The following KPNA6 variants were observed in gnomAD, a reference collection of about 807,000 sequenced individuals.
The protein encoded by KPNA6 is karyopherin subunit alpha 6, also known as importin subunit alpha-7.
A neutral mutation model predicts 72.0 loss-of-function variants in KPNA6; 9 were observed. That is an observed-to-expected ratio of 0.13 (90% CI 0.08 to 0.22). The LOEUF is 0.22. KPNA6 is among the 10% of genes least tolerant of loss of function. KPNA6 has a pLI of 1.00. For synonymous variants in KPNA6, 219 were observed against 242.1 expected, an observed-to-expected ratio of 0.90 and a Z score of 0.89; for missense variants, 374 against 655.7, an observed-to-expected ratio of 0.57 and a Z score of 4.69.
At chr1:32,146,986 G>C (rs1319126834) in intron 1 of KPNA6, among the ~76,000 whole-genome samples, 1 of 151,872 alleles carries the variant, frequency 6.6e-6, no homozygotes, top group African/African-American at 2.4e-5. Flanking sequence ...CTCCCAAGTA[G>C]CTGGGACTGC....
At chr1:32,170,131 G>A in intron 13 of KPNA6, 71 bp downstream of exon 13, 6 of 1,403,146 alleles carry the variant, frequency 4.3e-6, no homozygotes, top group Non-Finnish European at 5.9e-6. Context: ...ACATATGTTG[G>A]TGGTGGCGGA....
At chr1:32,129,921 G>A (rs1482369103) in intron 1 of KPNA6, among the ~76,000 whole-genome samples, 1 of 151,974 alleles carries the variant, frequency 6.6e-6, no homozygotes, top group African/African-American at 2.4e-5. Flanking sequence ...TGGTTGGTAT[G>A]CTGTCAAATA....
At chr1:32,152,115 G>A (rs1476948642) in intron 1 of KPNA6, among the ~76,000 whole-genome samples, 2 of 151,934 alleles carry the variant, frequency 1.3e-5, no homozygotes, top group Admixed American at 1.3e-4. Context: ...GGATTGTTGA[G>A]GACAGGAGTT....
chr1:32,109,966 C>T (rs72666743), intron 1 of KPNA6, among the ~76,000 whole-genome samples: 13,789 of 151,608 alleles, frequency 0.091, 848 homozygotes, highest in South Asian at 0.25. Flanking sequence ...CTTTGAAATC[C>T]TTTTTCTGAA....
intron 1 of KPNA6, among the ~76,000 whole-genome samples, chr1:32,116,951 C>T (rs1641337913): frequency 6.6e-6 from 1 of 152,120 alleles, no homozygotes; most frequent in African/African-American, 2.4e-5. Flanking sequence ...CAGTTAAGTT[C>T]TCCATCTTAT....
At chr1:32,164,642 T>A (rs1396635541) in intron 10 of KPNA6, among the ~76,000 whole-genome samples, 5 of 152,038 alleles carry the variant, frequency 3.3e-5, no homozygotes, top group Non-Finnish European at 7.4e-5. Context: ...TTTCTAATGA[T>A]TGGTAATGTT....
rs141632833 is a variant in KPNA6 at position 32,142,312 on chromosome 1, G to A, written c.5-12276G>A. Among the ~76,000 whole-genome samples the A allele has an allele frequency of 4.7e-5, 7 of 149,296 alleles. No homozygotes were observed. The East Asian group carries it at 1.2e-3, about 25-fold the overall frequency. On this transcript the variant is annotated intron_variant, in intron 1 of 13. Transcript: ENST00000373625. ...CAGAAGGGTTGTTTTATTCTCAGCC[G>A]TTTGTTGTTGGCTTCTATATAGCTG...
chr1:32,148,251 C>T (rs921990080), intron 1 of KPNA6, among the ~76,000 whole-genome samples: 3 of 151,866 alleles, frequency 2.0e-5, no homozygotes, highest in South Asian at 2.1e-4. Flanking sequence ...ATTACAAGTG[C>T]GTTCCACCAT....
At chr1:32,126,381 G>A (rs773594899) in intron 1 of KPNA6, among the ~76,000 whole-genome samples, 2 of 139,294 alleles carry the variant, frequency 1.4e-5, no homozygotes, top group East Asian at 4.4e-4. Context: ...GAAGTCATCA[G>A]CATTTGTTTG....
chr1:32,147,642 TTTC>T (rs992468540), intron 1 of KPNA6, among the ~76,000 whole-genome samples: 5 of 147,230 alleles, frequency 3.4e-5, no homozygotes, highest in Non-Finnish European at 7.4e-5. Flanking sequence ...ACTTTCGTGA[TTTC>T]TTTTCTTTTT....
At chr1:32,144,430 A>G (rs1557472036) in intron 1 of KPNA6, among the ~76,000 whole-genome samples, 1 of 152,226 alleles carries the variant, frequency 6.6e-6, no homozygotes, top group African/African-American at 2.4e-5. Flanking sequence ...CACTCTGCAA[A>G]GCAAAACTGA....
chr1:32,160,521 C>T (rs1642219034), intron 6 of KPNA6, 94 bp from the exon 7 acceptor site: 2 of 922,726 alleles, frequency 2.2e-6, no homozygotes, highest in Non-Finnish European at 3.6e-6. Context: ...ACATCATTCT[C>T]ATCCTGGTGG....
intron 1 of KPNA6, among the ~76,000 whole-genome samples, chr1:32,114,451 A>T (rs201551845): frequency 0.021 from 3,053 of 145,494 alleles, 51 homozygotes; most frequent in Middle Eastern, 0.053. Flanking sequence ...CAAAAAAAAA[A>T]ATATATATAT....
chr1:32,161,464 A>T (rs1228188503), intron 7 of KPNA6, among the ~76,000 whole-genome samples: 1 of 152,174 alleles, frequency 6.6e-6, no homozygotes, highest in Admixed American at 6.5e-5. Flanking sequence ...ACCAAAACAG[A>T]TGAATGAACT....
At chr1:32,108,418 A>G (rs1275320863) in intron 1 of KPNA6, among the ~76,000 whole-genome samples, 1 of 152,210 alleles carries the variant, frequency 6.6e-6, no homozygotes, top group Non-Finnish European at 1.5e-5. Context: ...GGAGGTAGAA[A>G]GGGGCCTACT....
At chr1:32,144,049 A>C (rs1352662464) in intron 1 of KPNA6, among the ~76,000 whole-genome samples, 1 of 152,206 alleles carries the variant, frequency 6.6e-6, no homozygotes, top group East Asian at 1.9e-4. Context: ...ATACTATATT[A>C]TTTCCTATAC....
At chr1:32,145,671 A>G (rs1264017403) in intron 1 of KPNA6, among the ~76,000 whole-genome samples, 1 of 152,214 alleles carries the variant, frequency 6.6e-6, no homozygotes, top group Admixed American at 6.6e-5. Context: ...TCTCTATACA[A>G]TGAAATATTT....
At chr1:32,149,975 A>G (rs1641999174) in intron 1 of KPNA6, among the ~76,000 whole-genome samples, 1 of 152,010 alleles carries the variant, frequency 6.6e-6, no homozygotes, top group Admixed American at 6.6e-5. Flanking sequence ...TGGTCTTAAT[A>G]GGTCTTTATC....
chr1:32,152,425 C>G (rs944474088), intron 1 of KPNA6, among the ~76,000 whole-genome samples: 2 of 152,194 alleles, frequency 1.3e-5, no homozygotes, highest in Non-Finnish European at 2.9e-5. Flanking sequence ...AATACAGATT[C>G]TTCTCAAGCA....
Sources: allele counts gnomAD v4.1 joint callset (sites outside exome capture counted in the v4.1 genomes callset), GRCh38; gene constraint gnomAD v4.1.1; transcripts MANE v1.5; gene names NCBI Gene and HGNC (gene_info 2026-07-23, HGNC 2026-07-21).